Variants in BACE2 observed in about 807,000 individuals in gnomAD.
The protein encoded by BACE2 is 56 kDa aspartic-like protease.
A neutral mutation model predicts 46.2 loss-of-function variants in BACE2; 17 were observed. The ratio of observed to expected loss-of-function variants is 0.37; its 90% CI spans 0.25 to 0.55. The LOEUF (loss-of-function observed/expected upper bound fraction) is 0.55. BACE2 is among the 20% of genes least tolerant of loss of function. The pLI, the probability that BACE2 is intolerant of heterozygous loss-of-function variation, is 0.82. For synonymous variants in BACE2, 277 were observed against 295.9 expected (o/e 0.94, Z 0.66); for missense variants, 595 against 698.1 (o/e 0.85, Z 1.66).
In BACE2 at chr21:41,275,715, C is replaced by G; in HGVS notation, c.*91C>G. ...CAGCCGGGATCGATGGTGGCGCTTT[C>G]TCCTGTGCCCACCCGTCTTCAATCT... On this transcript the variant is annotated 3_prime_UTR_variant, in exon 9 of 9. Coordinates refer to ENST00000330333, the MANE Select transcript of BACE2 (RefSeq NM_012105.5). 2 of 1,476,922 alleles carry G rather than the reference C, an allele frequency of 1.4e-6. No homozygotes were observed. The highest frequency in any genetic ancestry group is 1.8e-6 in the Non-Finnish European group (2 of 1,093,012). 91.5% of individuals were successfully genotyped at this position (1,476,922 alleles called of 1,614,324 possible). A position where few individuals can be genotyped will look rare whatever the true frequency, so the allele number is the denominator to read the frequency against.
intron 2 of BACE2, among the ~76,000 whole-genome samples, chr21:41,235,646 G>A (rs1053646800): frequency 6.6e-6 from 1 of 152,080 alleles, no homozygotes; most frequent in Non-Finnish European, 1.5e-5. Flanking sequence ...AGACTAGCTC[G>A]GGCAATATAA....
At chr21:41,234,596 C>A (rs879676736) in intron 2 of BACE2, among the ~76,000 whole-genome samples, 1 of 152,206 alleles carries the variant, frequency 6.6e-6, no homozygotes, top group Non-Finnish European at 1.5e-5. Context: ...TGTTCTAGAT[C>A]CTATTCTCCA....
intron 3 of BACE2, among the ~76,000 whole-genome samples, chr21:41,240,529 C>T (rs1987255928): frequency 6.6e-6 from 1 of 152,226 alleles, no homozygotes; most frequent in South Asian, 2.1e-4. Flanking sequence ...ATCCCTGTTT[C>T]ACAGGGAAGG....
intron 3 of BACE2, 76 bp downstream of exon 3, chr21:41,237,805 A>G: frequency 8.0e-7 from 1 of 1,243,206 alleles, no homozygotes; most frequent in Non-Finnish European, 1.2e-6. Flanking sequence ...AAGGGCTGAC[A>G]CATGAGTCTT....
rs748840037 is a variant in BACE2, at chr21:41,226,319, G to C, written c.366G>C (p.Pro122=). 9.9e-6 allele frequency: 16 copies of C among 1,613,870 alleles called. No individual in the cohort carries two copies. Among genetic ancestry groups the C allele is most frequent in the Non-Finnish European group, 1.4e-5 (16 of 1,179,976 alleles). The change falls in exon 2 of 9, where the codon CCG becomes CCC. Residue 122 remains proline, a synonymous_variant. Transcript: ENST00000330333. ...GTAACTTTGCCGTGGCAGGAACCCC[G>C]CACTCCTACATAGACACGTACTTTG... The part of the protein sequence containing the change: ...GSSNFAVAGT[P]HSYIDTYFDT...
chr21:41,191,109 G>A lies in BACE2; in HGVS notation c.312+22534G>A, dbSNP rs575884518. Among the ~76,000 whole-genome samples the A allele has an allele frequency of 1.3e-4, 20 of 152,278 alleles. No homozygotes were observed. In the East Asian group the frequency reaches 3.5e-3, roughly 26 times the overall value. On this transcript the variant is annotated intron_variant, in intron 1 of 8. Transcript: ENST00000330333. ...CTTCCAACCCTTGATTCCTGGACCC[G>A]TGAATCCTGGCTATGGGAGAAACAG... is the stretch of plus-strand genomic sequence containing the variant.
At chr21:41,169,481 G>T (rs1002360107) in intron 1 of BACE2, among the ~76,000 whole-genome samples, 8 of 148,028 alleles carry the variant, frequency 5.4e-5, no homozygotes, top group Non-Finnish European at 1.0e-4. Context: ...CAATTGATCT[G>T]CCCCCTCCTA....
At chr21:41,184,963 A>T (rs1161659891) in intron 1 of BACE2, 1 of 167,070 alleles carries the variant, frequency 6.0e-6, no homozygotes, top group Non-Finnish European at 1.5e-5. Flanking sequence ...TCGTCATCTA[A>T]CTTGTATTTA....
At chr21:41,206,527 G>A (rs960650043) in intron 1 of BACE2, among the ~76,000 whole-genome samples, 7 of 152,232 alleles carry the variant, frequency 4.6e-5, no homozygotes, top group Admixed American at 4.6e-4. Flanking sequence ...CTATGTGATA[G>A]AAGACTGTTA....
intron 1 of BACE2, among the ~76,000 whole-genome samples, chr21:41,214,871 A>T (rs1041459463): frequency 3.9e-5 from 6 of 151,978 alleles, no homozygotes; most frequent in African/African-American, 1.4e-4. Context: ...ACGGTGATGC[A>T]CCCAGGACAG....
At chr21:41,268,399 G>A (rs766447522) in intron 8 of BACE2, among the ~76,000 whole-genome samples, 49 of 152,286 alleles carry the variant, frequency 3.2e-4, no homozygotes, top group Non-Finnish European at 5.4e-4. Flanking sequence ...CATAGAATTA[G>A]TAGCGTAAGT....
chr21:41,184,272 C>T (rs1985274902), intron 1 of BACE2: 1 of 167,084 alleles, frequency 6.0e-6, no homozygotes, highest in Non-Finnish European at 1.5e-5. Context: ...TTCATCTTTT[C>T]CCCGAGTTAC....
intron 1 of BACE2, among the ~76,000 whole-genome samples, chr21:41,169,496 C>T (rs1984522841): frequency 1.3e-5 from 2 of 148,490 alleles, no homozygotes; most frequent in South Asian, 4.2e-4. Context: ...CTCCTACTTT[C>T]AAACTGTCTA....
chr21:41,179,771 A>G (rs563016396), intron 1 of BACE2: 2 of 653,340 alleles, frequency 3.1e-6, no homozygotes, highest in East Asian at 6.6e-5. Context: ...GGGGTGGAGA[A>G]GACCACAGAG....
intron 1 of BACE2, among the ~76,000 whole-genome samples, chr21:41,174,139 C>CT (rs1328562900): frequency 0.037 from 1,799 of 48,482 alleles, 44 homozygotes; most frequent in African/African-American, 0.045. Context: ...GATCAGTGGC[C>CT]TTTTTTTTTT....
chr21:41,234,470 T>C (rs1401996534), intron 2 of BACE2, among the ~76,000 whole-genome samples: 2 of 152,240 alleles, frequency 1.3e-5, no homozygotes, highest in Non-Finnish European at 2.9e-5. Flanking sequence ...TTACACATTG[T>C]CTGTGGCTGC....
At chr21:41,247,072 G>T (rs1319541779) in intron 6 of BACE2, among the ~76,000 whole-genome samples, 1 of 152,154 alleles carries the variant, frequency 6.6e-6, no homozygotes, top group East Asian at 1.9e-4. Flanking sequence ...CCTGTACTGC[G>T]GCCCTGGCGT....
At chr21:41,252,007 G>A (rs945931830) in intron 7 of BACE2, among the ~76,000 whole-genome samples, 1 of 151,794 alleles carries the variant, frequency 6.6e-6, no homozygotes, top group African/African-American at 2.4e-5. Context: ...GAGCCCTTGC[G>A]CGTGTGGCTC....
Position 41,245,975 on chromosome 21 carries a change from A to G in BACE2, c.896A>G (p.Lys299Arg). 6.2e-7 allele frequency: 1 copy of G among 1,609,800 alleles called. No homozygotes were observed. The highest frequency in any genetic ancestry group is 2.2e-5 in the East Asian group (1 of 44,760). The change falls in exon 6 of 9, where the codon AAG (lysine) becomes AGG (arginine). Residue 299 changes from lysine (K) to arginine (R), a missense_variant. By Grantham distance (26) the Lys-to-Arg change is conservative (BLOSUM62 2). Transcript: ENST00000330333. ...TCCCGGTTCAAGTATAACGCAGACA[A>G]GGCCATCGTGGACAGTGGCACCACG... ...NLDCREYNADKAIVDSGTTLL... is the reference protein window; with the variant it reads ...NLDCREYNADRAIVDSGTTLL...
Sources: gnomAD v4.1 joint callset for allele counts (sites outside exome capture counted in the v4.1 genomes callset) on GRCh38, gnomAD v4.1.1 for gene constraint, MANE v1.5 for transcripts, NCBI Gene and HGNC (gene_info 2026-07-23, HGNC 2026-07-21) for gene names.